Variants in ANTXR2 observed in about 807,000 individuals in gnomAD.
ANTXR2 encodes ANTXR cell adhesion molecule 2, also known as anthrax toxin receptor 2.
A neutral mutation model predicts 73.7 loss-of-function variants in ANTXR2; 44 were observed. The observed-to-expected ratio is 0.60, with a 90% CI of 0.47 to 0.77. The LOEUF (loss-of-function observed/expected upper bound fraction) is 0.77, where lower values mean the gene tolerates loss of function less well. ANTXR2 is among the 30% of genes least tolerant of loss of function. The pLI is 0.00. For synonymous variants in ANTXR2, 217 were observed against 205.9 expected (o/e 1.05, Z -0.46); for missense variants, 604 against 592.5 (o/e 1.02, Z -0.20).
chr4:79,981,078 G>A (rs1362379256), intron 14 of ANTXR2, among the ~76,000 whole-genome samples: 1 of 151,992 alleles, frequency 6.6e-6, no homozygotes, highest in Non-Finnish European at 1.5e-5. Context: ...ACCAGCCAGG[G>A]CAACATAATG....
intron 12 of ANTXR2, among the ~76,000 whole-genome samples, chr4:79,992,911 C>G (rs888346836): frequency 3.7e-4 from 57 of 152,132 alleles, no homozygotes; most frequent in African/African-American, 1.2e-3. Context: ...CAAATCATTT[C>G]CATGCCCAAT....
chr4:80,071,495 G>T (rs1734782789), intron 2 of ANTXR2, 88 bp downstream of exon 2: 1 of 1,141,768 alleles, frequency 8.8e-7, no homozygotes, highest in Non-Finnish European at 1.3e-6. Flanking sequence ...TTCAGGAAAA[G>T]TTTTTCCTAT....
At chr4:79,992,038 T>C (rs1424435125) in intron 12 of ANTXR2, among the ~76,000 whole-genome samples, 1 of 151,880 alleles carries the variant, frequency 6.6e-6, no homozygotes, top group East Asian at 1.9e-4. Context: ...ATGAAATCAT[T>C]TGTACACCAA....
intron 16 of ANTXR2, among the ~76,000 whole-genome samples, chr4:79,963,581 G>A (rs1207731791): frequency 6.6e-6 from 1 of 152,050 alleles, no homozygotes; most frequent in East Asian, 1.9e-4. Context: ...CTGCCCTTTG[G>A]CCATTGCTCC....
chr4:79,922,896 A>G (rs1176016223), intron 16 of ANTXR2, among the ~76,000 whole-genome samples: 1 of 152,154 alleles, frequency 6.6e-6, no homozygotes, highest in African/African-American at 2.4e-5. Flanking sequence ...GTATTATCTT[A>G]GATAAATCAA....
chr4:80,041,074 AT>A (rs1284831240), intron 7 of ANTXR2, among the ~76,000 whole-genome samples: 1 of 152,000 alleles, frequency 6.6e-6, no homozygotes, highest in Non-Finnish European at 1.5e-5. Context: ...CTTTTTATGA[AT>A]TTTTTTCAGC....
At chr4:79,949,188 A>G (rs1034520637) in intron 16 of ANTXR2, among the ~76,000 whole-genome samples, 1 of 152,320 alleles carries the variant, frequency 6.6e-6, no homozygotes, top group Non-Finnish European at 1.5e-5. Context: ...GGACGCAAGT[A>G]CCCACAAACA....
At chr4:79,973,310 T>C (rs944857445) in intron 16 of ANTXR2, among the ~76,000 whole-genome samples, 9 of 152,236 alleles carry the variant, frequency 5.9e-5, no homozygotes, top group Admixed American at 2.0e-4. Context: ...ATTAAATCTC[T>C]GGAAAAATGT....
At chr4:80,018,812 T>G in intron 11 of ANTXR2, 86 bp downstream of exon 11, 1 of 1,039,612 alleles carries the variant, frequency 9.6e-7, no homozygotes, top group South Asian at 1.7e-5. Flanking sequence ...TCCTTTATTG[T>G]AGTATGCAAC....
chr4:79,955,655 A>C (rs1029929178), intron 16 of ANTXR2, among the ~76,000 whole-genome samples: 2 of 152,070 alleles, frequency 1.3e-5, no homozygotes, highest in African/African-American at 4.8e-5. Flanking sequence ...AGATTTTTTT[A>C]AAAAAACAAG....
intron 3 of ANTXR2, among the ~76,000 whole-genome samples, chr4:80,067,168 T>C (rs1734539653): frequency 6.6e-6 from 1 of 151,204 alleles, no homozygotes; most frequent in South Asian, 2.1e-4. Context: ...ATCATGCCAT[T>C]GCACTCCAGC....
intron 12 of ANTXR2, among the ~76,000 whole-genome samples, chr4:80,003,656 C>T (rs1036509532): frequency 6.6e-6 from 1 of 151,930 alleles, no homozygotes; most frequent in South Asian, 2.1e-4. Flanking sequence ...GATAAGCACA[C>T]GAAAACATGT....
chr4:80,041,714 C>G (rs536920774), intron 7 of ANTXR2, among the ~76,000 whole-genome samples: 2 of 152,032 alleles, frequency 1.3e-5, no homozygotes, highest in Non-Finnish European at 2.9e-5. Flanking sequence ...TGAGGACATG[C>G]AGTGTTTGGT....
At chr4:79,948,050 G>GA (rs1204156520) in intron 16 of ANTXR2, among the ~76,000 whole-genome samples, 3 of 152,064 alleles carry the variant, frequency 2.0e-5, no homozygotes, top group Admixed American at 2.0e-4. Context: ...AGAAATAGTG[G>GA]AAAAAATATG....
intron 14 of ANTXR2, 110 bp from the exon 15 acceptor site, chr4:79,978,284 G>A (rs896823618): frequency 1.1e-5 from 11 of 1,034,924 alleles, no homozygotes; most frequent in Admixed American, 6.9e-5. Flanking sequence ...AAAAGAAGAT[G>A]AGCAGGTATC....
chr4:79,950,643 A>T (rs1728670131), intron 16 of ANTXR2, among the ~76,000 whole-genome samples: 1 of 152,124 alleles, frequency 6.6e-6, no homozygotes. Context: ...AACAAAACAA[A>T]ACAGATGCCA....
At chr4:79,984,784 A>G in intron 13 of ANTXR2, 35 bp downstream of exon 13, 2 of 1,579,364 alleles carry the variant, frequency 1.3e-6, no homozygotes, top group Non-Finnish European at 8.7e-7. Context: ...TGGAAAAAAA[A>G]AACAGCCATA....
At chr4:79,985,116 A>AG (rs1349740699) in intron 12 of ANTXR2, among the ~76,000 whole-genome samples, 1 of 151,948 alleles carries the variant, frequency 6.6e-6, no homozygotes, top group Non-Finnish European at 1.5e-5. Flanking sequence ...TGGGAAGCCG[A>AG]GGGGGGCGGA....
At chr4:79,982,813 G>A (rs1309930777) in intron 14 of ANTXR2, among the ~76,000 whole-genome samples, 1 of 152,152 alleles carries the variant, frequency 6.6e-6, no homozygotes, top group African/African-American at 2.4e-5. Context: ...AAGATCTAAT[G>A]TGGTCCAGAA....
Sources: gnomAD v4.1 joint callset for allele counts (sites outside exome capture counted in the v4.1 genomes callset) on GRCh38, gnomAD v4.1.1 for gene constraint, MANE v1.5 for transcripts, NCBI Gene and HGNC (gene_info 2026-07-23, HGNC 2026-07-21) for gene names.